Variants in EYS observed in about 807,000 individuals in gnomAD.
The protein encoded by EYS is EGF-like photoreceptor maintenance factor, also known as protein eyes shut homolog.
EYS carries 250 observed loss-of-function variants against 282.1 expected under a neutral mutation model. That is an observed-to-expected ratio of 0.89 (90% CI 0.80 to 0.98). The LOEUF is 0.98. EYS is among the 50% of genes least tolerant of loss of function. The pLI is 0.00. For synonymous variants in EYS, 1,355 were observed against 1,282.9 expected (o/e 1.06, Z -1.20); for missense variants, 4,016 against 3,709.0 (o/e 1.08, Z -2.15).
intron 2 of EYS, among the ~76,000 whole-genome samples, chr6:65,543,362 C>T (rs1031678414): frequency 6.8e-6 from 1 of 147,732 alleles, no homozygotes; most frequent in Non-Finnish European, 1.5e-5. Context: ...TTATGTTTTG[C>T]TAAATATTTA....
Position 64,550,510 on chromosome 6 carries a change from T to C in EYS, c.5644+39713A>G, listed in dbSNP as rs566011028. 4.8e-4 allele frequency among the ~76,000 whole-genome samples: 73 copies of C among 152,304 alleles called. 1 individual carries two copies. The highest frequency in any genetic ancestry group is 1.8e-3 in the African/African-American group (73 of 41,554). On this transcript the variant is annotated intron_variant, in intron 26 of 42. Coordinates refer to ENST00000503581, the MANE Select transcript of EYS (RefSeq NM_001142800.2). ...GACAAATCCACAGCCAATATCATACTGAATGAGCAAAAACTGGAAGCATTC... is the reference window on the plus strand; with the variant it reads ...GACAAATCCACAGCCAATATCATACCGAATGAGCAAAAACTGGAAGCATTC...
intron 32 of EYS, among the ~76,000 whole-genome samples, chr6:64,071,531 A>G (rs1771577444): frequency 6.7e-6 from 1 of 150,076 alleles, no homozygotes; most frequent in Non-Finnish European, 1.5e-5. Context: ...ATAAGTAAAT[A>G]AAATCTTTGA....
At chr6:64,946,870 C>T (rs770890849) in intron 14 of EYS, among the ~76,000 whole-genome samples, 7 of 151,796 alleles carry the variant, frequency 4.6e-5, no homozygotes, top group African/African-American at 1.4e-4. Flanking sequence ...TTAAATGAAA[C>T]GTACGATTTC....
chr6:63,742,051 C>G (rs553791817), intron 41 of EYS: 2 of 688,830 alleles, frequency 2.9e-6, no homozygotes, highest in African/African-American at 3.5e-5. Flanking sequence ...TATCTTCTGT[C>G]GTGGCAGACA....
chr6:65,405,756 A>G (rs1321842432), intron 5 of EYS, among the ~76,000 whole-genome samples: 1 of 152,058 alleles, frequency 6.6e-6, no homozygotes, highest in Non-Finnish European at 1.5e-5. Context: ...TTCACGTTGT[A>G]TCATATATCA....
At chr6:64,814,391 T>C (rs529897693) in intron 21 of EYS, among the ~76,000 whole-genome samples, 61 of 152,168 alleles carry the variant, frequency 4.0e-4, no homozygotes, top group Admixed American at 9.2e-4. Context: ...AATAAAATAA[T>C]GGCACTGTGT....
chr6:63,788,305 G>A (rs1582207941), intron 38 of EYS, 56 bp from the exon 39 acceptor site: 4 of 1,332,714 alleles, frequency 3.0e-6, no homozygotes, highest in Middle Eastern at 3.6e-4. Flanking sequence ...AGGGTGAAAT[G>A]TTAAGATACT....
chr6:65,624,603 A>T (rs1283231850), intron 2 of EYS, among the ~76,000 whole-genome samples: 7 of 152,134 alleles, frequency 4.6e-5, no homozygotes, highest in Non-Finnish European at 8.8e-5. Flanking sequence ...AGGCAGACCC[A>T]CCCTCAATCT....
intron 15 of EYS, among the ~76,000 whole-genome samples, chr6:64,933,172 A>G (rs961039430): frequency 1.3e-5 from 2 of 152,082 alleles, no homozygotes; most frequent in African/African-American, 4.8e-5. Flanking sequence ...TAAGGAAAGT[A>G]GGAGATTGAT....
At chr6:64,439,056 T>A (rs1774846829) in intron 27 of EYS, 106 bp downstream of exon 27, 2 of 568,646 alleles carry the variant, frequency 3.5e-6, no homozygotes, top group African/African-American at 3.9e-5. Flanking sequence ...GTGGTGAGTA[T>A]AATATATAGA....
At chr6:64,137,191 G>A (rs988015117) in intron 31 of EYS, among the ~76,000 whole-genome samples, 4 of 152,048 alleles carry the variant, frequency 2.6e-5, no homozygotes, top group Admixed American at 6.6e-5. Flanking sequence ...CAGCTTCCTC[G>A]CCTCTTTCAG....
At chr6:63,903,728 A>G (rs1426250852) in intron 35 of EYS, among the ~76,000 whole-genome samples, 2 of 152,196 alleles carry the variant, frequency 1.3e-5, no homozygotes, top group African/African-American at 4.8e-5. Context: ...TATTCAGTCT[A>G]TAGAACAGGA....
intron 33 of EYS, among the ~76,000 whole-genome samples, chr6:64,050,198 C>T (rs886122513): frequency 3.3e-5 from 5 of 152,164 alleles, no homozygotes; most frequent in Admixed American, 2.0e-4. Flanking sequence ...AAATGACAGG[C>T]TTCTTCTCAT....
chr6:63,783,415 C>T (rs2149667639), intron 39 of EYS, among the ~76,000 whole-genome samples: 1 of 152,272 alleles, frequency 6.6e-6, no homozygotes, highest in South Asian at 2.1e-4. Flanking sequence ...TCATGCATAG[C>T]TGTAAGAGAG....
At chr6:63,727,706 C>T (rs1242632287) in intron 41 of EYS, among the ~76,000 whole-genome samples, 1 of 9,526 alleles carries the variant, frequency 1.0e-4, no homozygotes, top group East Asian at 3.7e-3. Flanking sequence ...CACCATCTCT[C>T]AAAAAAAAAA....
At chr6:64,702,837 TTAAC>T (rs1442972890) in intron 22 of EYS, among the ~76,000 whole-genome samples, 14 of 152,254 alleles carry the variant, frequency 9.2e-5, no homozygotes, top group Admixed American at 4.6e-4. Flanking sequence ...TAACTAAAGT[TTAAC>T]TAATTCTAAG....
chr6:65,460,147 A>T lies in EYS; in HGVS notation c.862+30447T>A, dbSNP rs540052804. ...AGAAAAGACAGAATGGAGAGAGAAA[A>T]AATAAAAGGAAAGAGGAAATTATCC... On this transcript the variant is annotated intron_variant, in intron 5 of 42. Transcript: ENST00000503581. Among the ~76,000 whole-genome samples, 26 of 150,364 alleles carry T rather than the reference A, an allele frequency of 1.7e-4. No individual in the cohort carries two copies. The South Asian group carries it at 4.8e-3, about 28-fold the overall frequency.
chr6:63,879,361 A>C (rs184381500), intron 35 of EYS, among the ~76,000 whole-genome samples: 1 of 152,326 alleles, frequency 6.6e-6, no homozygotes, highest in East Asian at 1.9e-4. Flanking sequence ...TATAATTAAG[A>C]AAACCTCTGG....
intron 2 of EYS, among the ~76,000 whole-genome samples, chr6:65,523,630 G>T (rs939156367): frequency 1.3e-5 from 2 of 152,078 alleles, no homozygotes; most frequent in Non-Finnish European, 2.9e-5. Flanking sequence ...CTATGTATAT[G>T]TCTATAAAAA....
Sources: gnomAD v4.1 joint callset for allele counts (sites outside exome capture counted in the v4.1 genomes callset) on GRCh38, gnomAD v4.1.1 for gene constraint, MANE v1.5 for transcripts, NCBI Gene and HGNC (gene_info 2026-07-23, HGNC 2026-07-21) for gene names.